GCC2: variants seen among roughly 807,000 people sequenced by gnomAD.
The protein encoded by GCC2 is GRIP and coiled-coil domain-containing protein 2.
In GCC2, 120 loss-of-function variants were observed where a neutral mutation model predicts 210.6. That is an observed-to-expected ratio of 0.57 (90% CI 0.49 to 0.66). The LOEUF is 0.66. Among genes scored for constraint, GCC2 ranks in the 30% least tolerant of loss-of-function variants. The pLI is 0.00. For synonymous variants in GCC2, 703 were observed against 652.7 expected (o/e 1.08, Z -1.17); for missense variants, 1,868 against 1,871.9 (o/e 1.00, Z 0.04).
chr2:108,470,937 T>C lies in GCC2; in HGVS notation c.1608T>C (p.Thr536=). 1 of 1,613,344 alleles carries C rather than the reference T, an allele frequency of 6.2e-7. No homozygotes were observed. The highest frequency in any genetic ancestry group is 2.2e-5 in the East Asian group (1 of 44,860). ...CTGAAAAAGATGCCCTTCTCGAAAC[T>C]GTGAATCGCCTCCAGGGAGAAAATG... is the stretch of plus-strand genomic sequence containing the variant. The part of the protein sequence containing the change: ...AFTEKDALLE[T]VNRLQGENEK... Residue 536 remains threonine (T), a synonymous_variant, in exon 6 of 23, where the codon ACT becomes ACC. Coordinates refer to ENST00000309863, the MANE Select transcript of GCC2 (RefSeq NM_181453.4).
At chr2:108,477,355 C>G (rs1304022434) in intron 9 of GCC2, among the ~76,000 whole-genome samples, 2 of 152,226 alleles carry the variant, frequency 1.3e-5, no homozygotes, top group Non-Finnish European at 2.9e-5. Context: ...TGTTAATTCT[C>G]AAAACAACCC....
intron 20 of GCC2, chr2:108,496,159 G>A (rs1477261226): frequency 6.6e-6 from 1 of 151,650 alleles, no homozygotes; most frequent in Non-Finnish European, 1.5e-5. Flanking sequence ...GTCACAAATA[G>A]GTGGTGGGTA....
At chr2:108,468,861 T>C in intron 4 of GCC2, 119 bp from the exon 5 acceptor site, 1 of 673,698 alleles carries the variant, frequency 1.5e-6, no homozygotes, top group Non-Finnish European at 2.7e-6. Flanking sequence ...CAATGTGTTC[T>C]ACCTTTTAAA....
At chr2:108,481,967 G>A (rs978771670) in intron 10 of GCC2, 151 bp downstream of exon 10, 5 of 598,138 alleles carry the variant, frequency 8.4e-6, no homozygotes, top group African/African-American at 3.8e-5. Context: ...AGAAGAATAA[G>A]ACAAAACAGC....
intron 9 of GCC2, among the ~76,000 whole-genome samples, chr2:108,480,512 A>G (rs1256730876): frequency 6.6e-6 from 1 of 152,238 alleles, no homozygotes; most frequent in Non-Finnish European, 1.5e-5. Context: ...AAGGCCTGTC[A>G]GTGGTAGACT....
chr2:108,458,374 C>CTTTTT lies in GCC2; in HGVS notation c.216+5924_216+5928dup, dbSNP rs70956257. ...CATCAGGGATATTGGTTGTTGCTTT[C>CTTTTT]TTTTTTTTTTTTTTTTTTTTGCTGT... On this transcript the variant is annotated intron_variant, in intron 4 of 22. Coordinates refer to ENST00000309863, the MANE Select transcript of GCC2 (RefSeq NM_181453.4). Among the ~76,000 whole-genome samples the CTTTTT allele has an allele frequency of 3.5e-3, 352 of 100,160 alleles. 3 individuals carry two copies. Among genetic ancestry groups the CTTTTT allele is most frequent in the Middle Eastern group, 6.1e-3 (1 of 164 alleles). 65.7% of individuals were successfully genotyped at this position (100,160 alleles called of 152,430 possible).
intron 7 of GCC2, among the ~76,000 whole-genome samples, chr2:108,473,800 G>A (rs1681362385): frequency 6.6e-6 from 1 of 152,088 alleles, no homozygotes; most frequent in African/African-American, 2.4e-5. Flanking sequence ...ATGCAAATCT[G>A]GAGTTAAGGG....
chr2:108,450,388 A>C (rs2104396286), intron 2 of GCC2, among the ~76,000 whole-genome samples: 1 of 152,330 alleles, frequency 6.6e-6, no homozygotes, highest in East Asian at 1.9e-4. Flanking sequence ...AATAGAATGA[A>C]ATAATTTTAC....
chr2:108,505,023 C>T (rs1367620656), intron 22 of GCC2, among the ~76,000 whole-genome samples: 3 of 152,174 alleles, frequency 2.0e-5, no homozygotes, highest in Non-Finnish European at 4.4e-5. Context: ...CAGAAAACAA[C>T]CTTCCAAGGC....
chr2:108,507,768 T>C lies in GCC2; in HGVS notation c.*138T>C, dbSNP rs533466887. 5.3e-4 allele frequency: 336 copies of C among 635,586 alleles called. 1 individual carries two copies. Among genetic ancestry groups the C allele is most frequent in the Admixed American group, 1.0e-3 (32 of 31,644 alleles). 39.4% of individuals were successfully genotyped at this position (635,586 alleles called of 1,614,324 possible). A position where few individuals can be genotyped will look rare whatever the true frequency, so the allele number is the denominator to read the frequency against. On this transcript the variant is annotated 3_prime_UTR_variant, in exon 23 of 23. Transcript: ENST00000309863. ...TATATTTGTACATCTATATGACAGA[T>C]GTATTTTAAAAGTTTCATCTTGAAG...
Position 108,485,703 on chromosome 2 carries a change from A to G in GCC2, c.3681A>G (p.Lys1227=). The G allele has an allele frequency of 6.2e-7, 1 of 1,600,146 alleles. No homozygotes were observed. Among genetic ancestry groups the G allele is most frequent in the South Asian group, 1.1e-5 (1 of 88,436 alleles). ...CCAAAATCAAGCAATTGCTTGTGAA[A>G]ACCAAAAAGGAACTGGCAGATTCAA... ...KNTKIKQLLV[K]TKKELADSKQ... The change falls in exon 14 of 23, where the codon AAA becomes AAG. Residue 1227 remains lysine, a synonymous_variant. Coordinates refer to ENST00000309863, the MANE Select transcript of GCC2 (RefSeq NM_181453.4).
At chr2:108,496,369 T>C (rs1278556205) in intron 20 of GCC2, 1 of 155,414 alleles carries the variant, frequency 6.4e-6, no homozygotes, top group Non-Finnish European at 1.4e-5. Flanking sequence ...AAGGGTCATT[T>C]GTATTCATGG....
chr2:108,452,702 T>C (rs1356133092), intron 4 of GCC2, among the ~76,000 whole-genome samples: 1 of 144,034 alleles, frequency 6.9e-6, no homozygotes, highest in East Asian at 2.0e-4. Flanking sequence ...TTTTTTTTTT[T>C]TTTTTTTTTT....
chr2:108,484,977 A>G (rs1682057484), intron 13 of GCC2, among the ~76,000 whole-genome samples: 1 of 151,392 alleles, frequency 6.6e-6, no homozygotes, highest in South Asian at 2.1e-4. Context: ...TACACCATGG[A>G]ATACTATGCA....
chr2:108,451,601 A>G lies in GCC2; in HGVS notation c.148+489A>G, dbSNP rs533158598. On this transcript the variant is annotated intron_variant, in intron 3 of 22. Transcript: ENST00000309863. The stretch of plus-strand genomic sequence containing the variant: ...TTTATTCCAGAAGGAAAAAGATCTT[A>G]GCACCTTTTTTTTTTAGTATATGTA... Among the ~76,000 whole-genome samples the G allele has an allele frequency of 5.4e-5, 7 of 128,836 alleles. No homozygotes were observed. The South Asian group carries it at 1.7e-3, about 32-fold the overall frequency. The allele number at this position is 128,836 out of a possible 152,430, so 84.5% of individuals were successfully genotyped here.
chr2:108,504,095 C>T (rs1227485944), intron 22 of GCC2, among the ~76,000 whole-genome samples: 2 of 151,792 alleles, frequency 1.3e-5, no homozygotes, highest in African/African-American at 2.4e-5. Context: ...GCATTTCAGC[C>T]TGGACAACAG....
At chr2:108,451,222 C>A in intron 3 of GCC2, 110 bp downstream of exon 3, 3 of 662,368 alleles carry the variant, frequency 4.5e-6, no homozygotes, top group Non-Finnish European at 8.0e-6. Context: ...CCAGTGATTC[C>A]AAGTACACCT....
intron 7 of GCC2, among the ~76,000 whole-genome samples, chr2:108,474,587 G>C (rs565130602): frequency 5.1e-4 from 78 of 152,278 alleles, no homozygotes; most frequent in Admixed American, 1.6e-3. Context: ...GAAAAAAAGC[G>C]ATGGGACAAA....
chr2:108,461,462 G>A (rs1680566779), intron 4 of GCC2, among the ~76,000 whole-genome samples: 1 of 152,060 alleles, frequency 6.6e-6, no homozygotes, highest in African/African-American at 2.4e-5. Flanking sequence ...GAGTTTTCAT[G>A]TATTATTTCA....
Sources: allele counts gnomAD v4.1 joint callset (sites outside exome capture counted in the v4.1 genomes callset), GRCh38; gene constraint gnomAD v4.1.1; transcripts MANE v1.5; gene names NCBI Gene and HGNC (gene_info 2026-07-23, HGNC 2026-07-21).